PRELID2: variants seen among roughly 807,000 people sequenced by gnomAD.
PRELID2 encodes PRELI domain containing 2.
In PRELID2, 25 loss-of-function variants were observed where a neutral mutation model predicts 28.4. That is an observed-to-expected ratio of 0.88 (90% CI 0.64 to 1.23). The LOEUF (loss-of-function observed/expected upper bound fraction) is 1.23. PRELID2 is among the 50% of genes most tolerant of loss of function. PRELID2 has a pLI of 0.00. For synonymous variants in PRELID2, 76 were observed against 71.6 expected (o/e 1.06, Z -0.31); for missense variants, 201 against 214.4 (o/e 0.94, Z 0.39).
At chr5:145,495,087 C>T (rs1752299096) in intron 1 of PRELID2, among the ~76,000 whole-genome samples, 1 of 152,170 alleles carries the variant, frequency 6.6e-6, no homozygotes. Context: ...TCCTTCCTCC[C>T]ACTATCTCCT....
chr5:145,816,764 G>A (rs559610116), intron 4 of PRELID2, among the ~76,000 whole-genome samples: 3 of 152,226 alleles, frequency 2.0e-5, no homozygotes, highest in African/African-American at 7.2e-5. Flanking sequence ...AATTGTGGCA[G>A]TGGTGGCACA....
chr5:145,790,665 T>C (rs541990125), intron 5 of PRELID2, among the ~76,000 whole-genome samples: 4 of 148,856 alleles, frequency 2.7e-5, no homozygotes, highest in East Asian at 2.0e-4. Context: ...TGTGAGGTGA[T>C]AGATATTTTA....
the PRELID2 span, among the ~76,000 whole-genome samples, chr5:145,251,429 G>A: frequency 2.6e-5 from 4 of 152,024 alleles, no homozygotes; most frequent in Admixed American, 6.6e-5. Context: ...CTGTAACTGC[G>A]CTCCATGAGT....
chr5:145,561,642 T>C (rs1461861462), intron 1 of PRELID2, among the ~76,000 whole-genome samples: 1 of 152,164 alleles, frequency 6.6e-6, no homozygotes. Context: ...AGAGAGAGCA[T>C]TACCTAAAGT....
chr5:145,754,506 A>G (rs1445656756), downstream of PRELID2: 2 of 152,188 alleles, frequency 1.3e-5, no homozygotes, highest in Non-Finnish European at 1.5e-5. Context: ...ATTATGAAAA[A>G]CTATGCATGA....
At chr5:145,683,368 C>A (rs1212017582) in intron 1 of PRELID2, among the ~76,000 whole-genome samples, 1 of 152,120 alleles carries the variant, frequency 6.6e-6, no homozygotes, top group African/African-American at 2.4e-5. Context: ...ATATCATAAC[C>A]AGTATACTGG....
chr5:145,665,484 A>G (rs1279788545), intron 1 of PRELID2, among the ~76,000 whole-genome samples: 1 of 152,118 alleles, frequency 6.6e-6, no homozygotes, highest in African/African-American at 2.4e-5. Context: ...ACACGTCTCC[A>G]TACTTCAACC....
chr5:145,331,004 T>A, the PRELID2 span, among the ~76,000 whole-genome samples: 1 of 152,204 alleles, frequency 6.6e-6, no homozygotes, highest in East Asian at 1.9e-4. Flanking sequence ...AAAGAGCTTA[T>A]TTATTTCTGC....
intron 1 of PRELID2, among the ~76,000 whole-genome samples, chr5:145,526,758 G>A (rs1752608367): frequency 6.6e-6 from 1 of 152,216 alleles, no homozygotes; most frequent in Non-Finnish European, 1.5e-5. Context: ...ATCAGAGCCT[G>A]AGAGGCTATG....
chr5:145,651,290 T>C (rs1754293101), intron 1 of PRELID2, among the ~76,000 whole-genome samples: 1 of 152,008 alleles, frequency 6.6e-6, no homozygotes, highest in Non-Finnish European at 1.5e-5. Context: ...CCACTGCAGG[T>C]CAAGGAGGCC....
chr5:145,832,347 C>T (rs897921303), intron 1 of PRELID2, among the ~76,000 whole-genome samples: 1 of 152,064 alleles, frequency 6.6e-6, no homozygotes, highest in Non-Finnish European at 1.5e-5. Flanking sequence ...CCACACCTGG[C>T]TAATTTTTTG....
chr5:145,546,352 TA>T (rs200612974), intron 1 of PRELID2, among the ~76,000 whole-genome samples: 1,836 of 152,220 alleles, frequency 0.012, 22 homozygotes, highest in Non-Finnish European at 0.02. Flanking sequence ...AACTCAAAAT[TA>T]AACTATAAGT....
chr5:145,780,631 T>C (rs1353534667), intron 5 of PRELID2, among the ~76,000 whole-genome samples: 2 of 152,216 alleles, frequency 1.3e-5, no homozygotes, highest in Non-Finnish European at 2.9e-5. Flanking sequence ...TTAAAGATTT[T>C]AAAAGTCTTT....
At chr5:145,254,891 G>C in the PRELID2 span, among the ~76,000 whole-genome samples, 4 of 150,176 alleles carry the variant, frequency 2.7e-5, no homozygotes, top group Admixed American at 2.0e-4. Flanking sequence ...ATTCCTCCTA[G>C]GTAGTCAGAA....
At chr5:145,762,844 T>C (rs750523475) in intron 6 of PRELID2, among the ~76,000 whole-genome samples, 15 of 152,224 alleles carry the variant, frequency 9.9e-5, no homozygotes, top group Admixed American at 3.3e-4. Context: ...CAACAATATC[T>C]AACTCCTAGC....
At chr5:145,697,248 G>A (rs1331353044) in intron 1 of PRELID2, among the ~76,000 whole-genome samples, 1 of 151,660 alleles carries the variant, frequency 6.6e-6, no homozygotes, top group East Asian at 1.9e-4. Context: ...CATAGATACA[G>A]GCATCCCTGT....
intron 1 of PRELID2, among the ~76,000 whole-genome samples, chr5:145,604,519 G>A (rs1227342873): frequency 6.6e-6 from 1 of 151,974 alleles, no homozygotes; most frequent in African/African-American, 2.4e-5. Flanking sequence ...CTTTGCCATT[G>A]TGAACAGTGC....
intron 1 of PRELID2, among the ~76,000 whole-genome samples, chr5:145,686,776 C>G (rs1428576065): frequency 6.6e-6 from 1 of 151,904 alleles, no homozygotes; most frequent in African/African-American, 2.4e-5. Context: ...AATAAAGTAC[C>G]CAACATCTGG....
In PRELID2 at chr5:145,824,425, C is replaced by T. The variant is rs1272892042; in HGVS notation, c.76-1291G>A. On this transcript the variant is annotated intron_variant, in intron 1 of 6. Coordinates refer to ENST00000683046, the MANE Select transcript of PRELID2 (RefSeq NM_205846.3). ...ACTGTGGGTCTCCACCCACAGCAGG[C>T]GTGTGTGTGTGTGTGTGTGTGTGTG... Among the ~76,000 whole-genome samples, 8 of 96,256 alleles carry T rather than the reference C, an allele frequency of 8.3e-5. No individual in the cohort carries two copies. The East Asian group carries it at 9.9e-4, about 12-fold the overall frequency. 63.1% of individuals were successfully genotyped at this position (96,256 alleles called of 152,430 possible).
Sources: allele counts gnomAD v4.1 joint callset (sites outside exome capture counted in the v4.1 genomes callset), GRCh38; gene constraint gnomAD v4.1.1; transcripts MANE v1.5; gene names NCBI Gene and HGNC (gene_info 2026-07-23, HGNC 2026-07-21).